Variants in FKBP9 observed in about 807,000 individuals in gnomAD.
FKBP9 encodes FKBP prolyl isomerase 9, also known as peptidyl-prolyl cis-trans isomerase FKBP9.
In FKBP9, 27 loss-of-function variants were observed where a neutral mutation model predicts 55.6. The ratio of observed to expected loss-of-function variants is 0.49; its 90% CI spans 0.36 to 0.67. The LOEUF is 0.67. Ranked by LOEUF, FKBP9 falls within the 30% of genes least tolerant of loss-of-function variation. FKBP9 has a pLI of 0.00. For synonymous variants in FKBP9, 267 were observed against 296.5 expected, an observed-to-expected ratio of 0.90 and a Z score of 1.02; for missense variants, 539 against 742.8, an observed-to-expected ratio of 0.73 and a Z score of 3.19.
At chr7:32,967,577 C>A (rs181287712) in intron 1 of FKBP9, among the ~76,000 whole-genome samples, 21 of 152,254 alleles carry the variant, frequency 1.4e-4, no homozygotes, top group African/African-American at 4.1e-4. Context: ...CTTTTTAAGG[C>A]GGAATAATAT....
At position 32,980,601 on chromosome 7, in the gene FKBP9, A is replaced by G. The variant is rs780092185; in HGVS notation, c.893+48A>G. The G allele has an allele frequency of 3.1e-6, 5 of 1,592,074 alleles. No individual in the cohort carries two copies. In the African/African-American group the frequency reaches 4.0e-5, roughly 13 times the overall value. ...CAATTGCCAGAACATTGTATTAAAT[A>G]AAGTCTGCCATTGGCTGGACCATGA... On this transcript the variant is annotated intron_variant, in intron 5 of 9. Transcript: ENST00000242209.
intron 9 of FKBP9, among the ~76,000 whole-genome samples, chr7:33,004,162 G>A (rs2392195): frequency 6.6e-6 from 1 of 151,968 alleles, no homozygotes; most frequent in Non-Finnish European, 1.5e-5. Flanking sequence ...AGAACCTGAC[G>A]CTTCTTACCA....
chr7:32,957,565 G>C lies in FKBP9; in HGVS notation c.-9G>C. 2 of 1,450,092 alleles carry C rather than the reference G, an allele frequency of 1.4e-6. No individual in the cohort carries two copies. The highest frequency in any genetic ancestry group is 1.8e-6 in the Non-Finnish European group (2 of 1,110,202). The allele number at this position is 1,450,092 out of a possible 1,614,324, so 89.8% of individuals were successfully genotyped here. On this transcript the variant is annotated 5_prime_UTR_variant, in exon 1 of 10. Transcript: ENST00000242209. ...GCGCTGCGTCCGCGCCACTCTTCTCGCCGCCCCGATGGCGTTCCGGGGCTG... is the reference window on the plus strand; with the variant it reads ...GCGCTGCGTCCGCGCCACTCTTCTCCCCGCCCCGATGGCGTTCCGGGGCTG...
At chr7:32,976,301 G>T (rs1236856028) in intron 3 of FKBP9, 53 bp from the exon 4 acceptor site, 13 of 1,611,962 alleles carry the variant, frequency 8.1e-6, no homozygotes, top group Non-Finnish European at 1.1e-5. Context: ...GGAGAGATGA[G>T]TTGGAAATAT....
intron 1 of FKBP9, among the ~76,000 whole-genome samples, chr7:32,974,199 C>CGG (rs67448965): frequency 0.02 from 2,917 of 147,816 alleles, 29 homozygotes; most frequent in Non-Finnish European, 0.028. Flanking sequence ...TTAGTAGAGG[C>CGG]GGGGGGGCCT....
intron 1 of FKBP9, among the ~76,000 whole-genome samples, chr7:32,959,542 C>T (rs1783977793): frequency 6.6e-6 from 1 of 152,204 alleles, no homozygotes; most frequent in South Asian, 2.1e-4. Flanking sequence ...AACATCACAA[C>T]TAGCTATTTC....
At chr7:32,967,420 T>C (rs1327151771) in intron 1 of FKBP9, among the ~76,000 whole-genome samples, 1 of 152,234 alleles carries the variant, frequency 6.6e-6, no homozygotes, top group African/African-American at 2.4e-5. Context: ...AACATTCCAC[T>C]TTCTGTTTCT....
intron 3 of FKBP9, 107 bp downstream of exon 3, chr7:32,975,478 T>C: frequency 1.1e-6 from 1 of 869,724 alleles, no homozygotes; most frequent in Non-Finnish European, 1.8e-6. Flanking sequence ...ATAAGGACTC[T>C]TCTCAACTGT....
intron 1 of FKBP9, among the ~76,000 whole-genome samples, chr7:32,957,998 G>A (rs1249297372): frequency 6.6e-6 from 1 of 152,234 alleles, no homozygotes; most frequent in African/African-American, 2.4e-5. Flanking sequence ...GCTGCCAGCC[G>A]GGGACTGGAC....
At chr7:32,962,296 A>G (rs1180620617) in intron 1 of FKBP9, among the ~76,000 whole-genome samples, 1 of 152,134 alleles carries the variant, frequency 6.6e-6, no homozygotes, top group African/African-American at 2.4e-5. Context: ...CGGGAGGCTG[A>G]GGCAGGAGAA....
chr7:32,992,910 T>G (rs909759779), intron 6 of FKBP9: 2 of 230,480 alleles, frequency 8.7e-6, no homozygotes, highest in African/African-American at 4.4e-5. Flanking sequence ...CCTGGGAGAC[T>G]GACTCACGTT....
chr7:32,961,877 G>A (rs1016693182), intron 1 of FKBP9, among the ~76,000 whole-genome samples: 2 of 151,972 alleles, frequency 1.3e-5, no homozygotes, highest in African/African-American at 2.4e-5. Flanking sequence ...CCATCTAGTT[G>A]CAGGAAAACA....
In FKBP9 at chr7:33,002,698, C is replaced by T. The variant is rs1354096307; in HGVS notation, c.1395C>T (p.Ala465=). ...AGVDGEVPGS[A]VLVFDIELLE... The stretch of plus-strand genomic sequence containing the variant: ...CAGATGGAGAAGTGCCCGGCAGTGC[C>T]GTATTAGTGTTTGACATTGAGCTGC... Residue 465 remains alanine (A), a synonymous_variant, in exon 9 of 10, where the codon GCC becomes GCT. Coordinates refer to ENST00000242209, the MANE Select transcript of FKBP9 (RefSeq NM_007270.5). The T allele has an allele frequency of 6.8e-6, 11 of 1,613,916 alleles. No individual in the cohort carries two copies. The highest frequency in any genetic ancestry group is 1.6e-4 in the Middle Eastern group (1 of 6,080).
At position 32,999,780 on chromosome 7, in the gene FKBP9, T is replaced by C. The variant is rs561352767; in HGVS notation, c.1227-335T>C. On this transcript the variant is annotated intron_variant, in intron 7 of 9. Transcript: ENST00000242209. ...GTTTTTGAGACAGAGTCTCACTCTG[T>C]CTCACAGGCTGGAGTGCAGGGGCAC... is the stretch of plus-strand genomic sequence containing the variant. Among the ~76,000 whole-genome samples, 5 of 152,236 alleles carry C rather than the reference T, an allele frequency of 3.3e-5. No individual in the cohort carries two copies. The East Asian group carries it at 7.7e-4, about 24-fold the overall frequency.
chr7:32,971,559 C>G (rs538002212), intron 1 of FKBP9, among the ~76,000 whole-genome samples: 3 of 152,214 alleles, frequency 2.0e-5, no homozygotes, highest in African/African-American at 7.2e-5. Context: ...TGGCTCACTG[C>G]AGCCTCTGCC....
At position 32,973,685 on chromosome 7, in the gene FKBP9, T is replaced by G. The variant is rs202209647; in HGVS notation, c.222-932T>G. ...AAATGAAATGAAGTTTTTTGTTGTT[T>G]TTTTTTTTTTTTTTTTTTTTTTTGA... On this transcript the variant is annotated intron_variant, in intron 1 of 9. Transcript: ENST00000242209. Among the ~76,000 whole-genome samples the G allele has an allele frequency of 4.8e-3, 218 of 45,850 alleles. 2 individuals are homozygous for G. Among genetic ancestry groups the G allele is most frequent in the East Asian group, 0.029 (52 of 1,792 alleles). The allele number at this position is 45,850 out of a possible 152,430, so 30.1% of individuals were successfully genotyped here. A position where few individuals can be genotyped will look rare whatever the true frequency, so the allele number is the denominator to read the frequency against.
At chr7:33,004,568 A>T (rs1784997370) in intron 9 of FKBP9, among the ~76,000 whole-genome samples, 1 of 152,122 alleles carries the variant, frequency 6.6e-6, no homozygotes, top group Non-Finnish European at 1.5e-5. Context: ...CCTTCTCCTT[A>T]AAGTTTTATC....
At chr7:32,986,535 A>G (rs1455189511) in intron 5 of FKBP9, among the ~76,000 whole-genome samples, 6 of 152,100 alleles carry the variant, frequency 3.9e-5, no homozygotes, top group Non-Finnish European at 7.4e-5. Flanking sequence ...TGGCCAGTGC[A>G]CCAGGAGGAG....
intron 1 of FKBP9, among the ~76,000 whole-genome samples, chr7:32,970,356 C>G (rs1784228381): frequency 6.6e-6 from 1 of 152,046 alleles, no homozygotes; most frequent in African/African-American, 2.4e-5. Context: ...GCCACCACGC[C>G]TGTCTAATTT....
Sources: allele counts gnomAD v4.1 joint callset (sites outside exome capture counted in the v4.1 genomes callset), GRCh38; gene constraint gnomAD v4.1.1; transcripts MANE v1.5; gene names NCBI Gene and HGNC (gene_info 2026-07-23, HGNC 2026-07-21).